RETREG3: variants seen among roughly 807,000 people sequenced by gnomAD.
The protein encoded by RETREG3 is reticulophagy regulator family member 3.
RETREG3 carries 23 observed loss-of-function variants against 50.2 expected under a neutral mutation model. The ratio of observed to expected loss-of-function variants is 0.46; its 90% CI spans 0.33 to 0.65. The LOEUF (loss-of-function observed/expected upper bound fraction) is 0.65. RETREG3 is among the 30% of genes least tolerant of loss of function. The pLI is 0.02. For synonymous variants in RETREG3, 240 were observed against 234.4 expected (o/e 1.02, Z -0.22); for missense variants, 546 against 598.0 (o/e 0.91, Z 0.91).
At chr17:42,592,818 G>C (rs905123085) in intron 1 of RETREG3, among the ~76,000 whole-genome samples, 2 of 152,076 alleles carry the variant, frequency 1.3e-5, no homozygotes, top group African/African-American at 2.4e-5. Flanking sequence ...CGGGTGTGGT[G>C]GTGTGCACCT....
At chr17:42,594,100 A>G (rs370844060) in intron 1 of RETREG3, among the ~76,000 whole-genome samples, 3 of 152,266 alleles carry the variant, frequency 2.0e-5, no homozygotes, top group East Asian at 3.8e-4. Flanking sequence ...CTGCGTCACA[A>G]GAATTGCTAG....
At chr17:42,585,344 C>T (rs1225224014) in intron 5 of RETREG3, 82 bp from the exon 6 acceptor site, 4 of 1,551,950 alleles carry the variant, frequency 2.6e-6, no homozygotes, top group Non-Finnish European at 8.7e-7. Flanking sequence ...GCTATTGGTC[C>T]TTAGGGCTTG....
rs761308861 is a variant in RETREG3, at chr17:42,581,931, C to G, written c.1283G>C (p.Arg428Thr). The G allele has an allele frequency of 6.2e-7, 1 of 1,614,186 alleles. No individual in the cohort carries two copies. Among genetic ancestry groups the G allele is most frequent in the East Asian group, 2.2e-5 (1 of 44,872 alleles). The stretch of plus-strand genomic sequence containing the variant: ...TGAACTGGGGGACCGGAGGAAGCCT[C>G]TCGTTGCTCTCTGGGCAGGTGCTCC... ...PSGAPAQRAT[R>T]GFLRSPSSDL... Residue 428 changes from arginine to threonine, a missense_variant, in exon 9 of 9, where the codon AGA becomes ACA. By Grantham distance (71) the Arg-to-Thr change is moderately conservative. Coordinates refer to ENST00000309428, the MANE Select transcript of RETREG3 (RefSeq NM_178126.4).
chr17:42,604,713 A>C lies in RETREG3; in HGVS notation c.239+4373T>G, dbSNP rs945985751. Reference sequence around the variant, plus strand: ...CCCCAGCAAAAAAAAAAAAAAAAAAAAAAAACTGAAAGAGCTCAGCAGTTA... The same window carrying C: ...CCCCAGCAAAAAAAAAAAAAAAAAACAAAAACTGAAAGAGCTCAGCAGTTA... On this transcript the variant is annotated intron_variant, in intron 1 of 8. Coordinates refer to ENST00000309428, the MANE Select transcript of RETREG3 (RefSeq NM_178126.4). Among the ~76,000 whole-genome samples, 17 of 151,908 alleles carry C rather than the reference A, an allele frequency of 1.1e-4. No individual in the cohort carries two copies. The East Asian group carries it at 1.9e-3, about 17-fold the overall frequency.
intron 1 of RETREG3, among the ~76,000 whole-genome samples, chr17:42,597,587 A>G (rs1357422108): frequency 1.3e-3 from 11 of 8,690 alleles, no homozygotes; most frequent in African/African-American, 2.2e-3. Context: ...GTGTGTATAT[A>G]TATATATATA....
intron 1 of RETREG3, among the ~76,000 whole-genome samples, chr17:42,601,889 C>T (rs908114808): frequency 7.9e-5 from 12 of 151,970 alleles, no homozygotes; most frequent in Admixed American, 7.2e-4. Flanking sequence ...CTGCCTCGGC[C>T]TCCCAAAGTG....
chr17:42,608,292 G>A (rs1347793928), intron 1 of RETREG3, among the ~76,000 whole-genome samples: 1 of 152,194 alleles, frequency 6.6e-6, no homozygotes, highest in Non-Finnish European at 1.5e-5. Context: ...ACAACTGAGA[G>A]AAGCAGCAGT....
At chr17:42,597,191 C>CT (rs35711566) in intron 1 of RETREG3, among the ~76,000 whole-genome samples, 36,321 of 129,954 alleles carry the variant, frequency 0.28, 5,274 homozygotes, top group African/African-American at 0.33. Context: ...TCTATTTTTT[C>CT]TTTTTTTTTT....
At chr17:42,598,795 C>G (rs561593358) in intron 1 of RETREG3, 1 of 152,226 alleles carries the variant, frequency 6.6e-6, no homozygotes, top group South Asian at 2.1e-4. Context: ...CTTCTTACCA[C>G]AAGGCCTTGG....
rs1446857755 is a variant in RETREG3 at position 42,580,906 on chromosome 17, G to A, written c.*907C>T. 6.6e-6 allele frequency: 1 copy of A among 150,720 alleles called. No homozygotes were observed. The highest frequency in any genetic ancestry group is 2.4e-5 in the African/African-American group (1 of 40,858). 9.3% of individuals were successfully genotyped at this position (150,720 alleles called of 1,614,324 possible). A position where few individuals can be genotyped will look rare whatever the true frequency, so the allele number is the denominator to read the frequency against. ...CACAAAAAAATTAGCCGGGCATGGT[G>A]GTGCATGCCTGTAATCTCAGCTACT... On this transcript the variant is annotated 3_prime_UTR_variant, in exon 9 of 9. Transcript: ENST00000309428.
At chr17:42,585,403 C>T (rs1176347413) in intron 5 of RETREG3, 141 bp from the exon 6 acceptor site, 2 of 1,231,268 alleles carry the variant, frequency 1.6e-6, no homozygotes, top group African/African-American at 3.0e-5. Flanking sequence ...TCATCTTCAC[C>T]AGTCTCCCCT....
intron 2 of RETREG3, among the ~76,000 whole-genome samples, chr17:42,590,214 T>A (rs1173198739): frequency 6.6e-6 from 1 of 151,150 alleles, no homozygotes; most frequent in Non-Finnish European, 1.5e-5. Flanking sequence ...AAAAAAAATT[T>A]TTTTTACTTA....
chr17:42,584,405 T>G (rs2093116691), intron 6 of RETREG3, among the ~76,000 whole-genome samples: 1 of 152,134 alleles, frequency 6.6e-6, no homozygotes, highest in African/African-American at 2.4e-5. Context: ...CTACCATCAT[T>G]GTGTTGCATG....
chr17:42,600,449 ATCAT>A (rs1264736624), intron 1 of RETREG3, among the ~76,000 whole-genome samples: 3 of 152,216 alleles, frequency 2.0e-5, no homozygotes, highest in Non-Finnish European at 2.9e-5. Context: ...ACTGACTAGA[ATCAT>A]TAATTTTTTG....
At position 42,582,161 on chromosome 17, in the gene RETREG3, A is replaced by G; in HGVS notation, c.1053T>C (p.Ile351=). Residue 351 remains isoleucine, a synonymous_variant, in exon 9 of 9, where the codon ATT becomes ATC. Coordinates refer to ENST00000309428, the MANE Select transcript of RETREG3 (RefSeq NM_178126.4). ...AACGGTACATCAAGCTGGGCATGCC[A>G]ATGCTAGTGTCGTCCTCATCATCCA... The part of the protein sequence containing the change: ...AGLDDEDDTS[I]GMPSLMYRSP... 6.2e-7 allele frequency: 1 copy of G among 1,614,074 alleles called. No individual in the cohort carries two copies. Among genetic ancestry groups the G allele is most frequent in the Non-Finnish European group, 8.5e-7 (1 of 1,180,010 alleles).
intron 2 of RETREG3, among the ~76,000 whole-genome samples, chr17:42,588,568 A>G (rs2093125922): frequency 6.6e-6 from 1 of 151,816 alleles, no homozygotes; most frequent in Non-Finnish European, 1.5e-5. Context: ...ATGGGGTTTC[A>G]CCATGTTGGC....
At chr17:42,603,621 C>T (rs2093162255) in intron 1 of RETREG3, among the ~76,000 whole-genome samples, 1 of 152,152 alleles carries the variant, frequency 6.6e-6, no homozygotes, top group South Asian at 2.1e-4. Context: ...CTTCTCGGCT[C>T]ACAAAGACAA....
At chr17:42,606,469 C>T (rs949547638) in intron 1 of RETREG3, among the ~76,000 whole-genome samples, 4 of 151,602 alleles carry the variant, frequency 2.6e-5, no homozygotes, top group Admixed American at 2.0e-4. Flanking sequence ...GGCGTGGTGG[C>T]GCGTGCCTGC....
intron 2 of RETREG3, among the ~76,000 whole-genome samples, chr17:42,588,357 T>G (rs1178604538): frequency 6.6e-6 from 1 of 151,640 alleles, no homozygotes; most frequent in Non-Finnish European, 1.5e-5. Context: ...CCCATTCTTC[T>G]GCCTCAGCCT....
Sources: gnomAD v4.1 joint callset for allele counts (sites outside exome capture counted in the v4.1 genomes callset) on GRCh38, gnomAD v4.1.1 for gene constraint, MANE v1.5 for transcripts, NCBI Gene and HGNC (gene_info 2026-07-23, HGNC 2026-07-21) for gene names.